The following USP3 variants were observed in gnomAD, a reference collection of about 807,000 sequenced individuals.
USP3 encodes ubiquitin carboxyl-terminal hydrolase 3.
In USP3, 20 loss-of-function variants were observed where a neutral mutation model predicts 72.3. The ratio of observed to expected loss-of-function variants is 0.28; its 90% CI spans 0.19 to 0.40. USP3 has a LOEUF of 0.40. USP3 is among the 10% of genes least tolerant of loss of function. The probability of loss-of-function intolerance (pLI) is 1.00; values close to 1 mark genes in which losing one functional copy is unlikely to be tolerated. For missense variants in USP3, 479 were observed against 633.9 expected, an observed-to-expected ratio of 0.76 and a Z score of 2.62; for synonymous variants, 222 against 225.3, an observed-to-expected ratio of 0.99 and a Z score of 0.13.
At chr15:63,536,088 G>T (rs1311710673) in intron 2 of USP3, among the ~76,000 whole-genome samples, 1 of 152,146 alleles carries the variant, frequency 6.6e-6, no homozygotes, top group Admixed American at 6.6e-5. Flanking sequence ...CATTGTGCCT[G>T]CTGTAATACT....
intron 9 of USP3, among the ~76,000 whole-genome samples, chr15:63,571,290 CCAAA>C (rs2066774929): frequency 6.6e-6 from 1 of 152,128 alleles, no homozygotes; most frequent in Non-Finnish European, 1.5e-5. Context: ...CAAACTCCCC[CCAAA>C]CAGAGAGAAA....
chr15:63,512,148 G>C (rs956407533), intron 1 of USP3, among the ~76,000 whole-genome samples: 2 of 151,472 alleles, frequency 1.3e-5, no homozygotes, highest in African/African-American at 4.9e-5. Flanking sequence ...GTAGAGTCAG[G>C]GTTTCACTCA....
At chr15:63,554,636 T>C (rs2066482649) in intron 4 of USP3, among the ~76,000 whole-genome samples, 1 of 152,224 alleles carries the variant, frequency 6.6e-6, no homozygotes, top group Non-Finnish European at 1.5e-5. Context: ...AACTTAAGTG[T>C]AAAGCCCATA....
chr15:63,562,621 T>C (rs755663678), intron 7 of USP3, among the ~76,000 whole-genome samples: 4 of 152,226 alleles, frequency 2.6e-5, no homozygotes, highest in Non-Finnish European at 5.9e-5. Context: ...GCTGTATGGT[T>C]TGCTTGCGTG....
chr15:63,532,360 A>G, intron 1 of USP3: 1 of 437,994 alleles, frequency 2.3e-6, no homozygotes, highest in East Asian at 4.1e-5. Flanking sequence ...CTGTAGCAAA[A>G]GGGAATAAGT....
rs1328128057 is a variant in USP3 at position 63,544,295 on chromosome 15, T to G, written c.284+7139T>G. 5 of 157,024 alleles carry G rather than the reference T, an allele frequency of 3.2e-5. No homozygotes were observed. Among genetic ancestry groups the G allele is most frequent in the Admixed American group, 3.2e-4 (5 of 15,832 alleles). 9.7% of individuals were successfully genotyped at this position (157,024 alleles called of 1,614,324 possible). On this transcript the variant is annotated intron_variant, in intron 3 of 14. Coordinates refer to ENST00000380324, the MANE Select transcript of USP3 (RefSeq NM_006537.4). The surrounding 1 kb of genome is among the most constrained non-coding windows in gnomAD (Gnocchi z 4.2). ...TTTTTTAACTTGATTAGGAAGCTGA[T>G]GAAAATAGCTTGAAGGCTTCTTTTG...
Position 63,553,716 on chromosome 15 carries a change from T to TA in USP3, c.287dup (p.Tyr96Ter). The TA allele has an allele frequency of 6.2e-7, 1 of 1,612,474 alleles. No homozygotes were observed. The highest frequency in any genetic ancestry group is 1.1e-5 in the South Asian group (1 of 90,838). Residue 96 changes from tyrosine to a stop codon, truncating the protein, a stop_gained and frameshift_variant and splice_region_variant, in exon 4 of 15, where the codon TAT (tyrosine) becomes TAAT (stop). Transcript: ENST00000380324. LOFTEE classifies it high-confidence loss of function. This position sits in a 1 kb window ranked among gnomAD's most constrained non-coding sequence, Gnocchi z 4.2. ...MDCSSYSTYC[Y>*]RCDDFVVNDT... ...CATTGATTAATATTTTCCTTGCAGT[T>TA]ATCGCTGTGATGATTTTGTGGTTAA...
chr15:63,556,447 C>A (rs1255786509), intron 4 of USP3: 4 of 389,312 alleles, frequency 1.0e-5, no homozygotes, highest in Non-Finnish European at 1.9e-5. Flanking sequence ...TTGCCAGGAG[C>A]AGTGTCCAGC....
At chr15:63,519,064 C>T (rs1011677212) in intron 1 of USP3, among the ~76,000 whole-genome samples, 3 of 152,150 alleles carry the variant, frequency 2.0e-5, no homozygotes, top group South Asian at 2.1e-4. Flanking sequence ...CGCGCCTGGC[C>T]GGGTCTTTCT....
chr15:63,552,291 GA>G (rs1247129318), intron 3 of USP3, among the ~76,000 whole-genome samples: 1 of 152,180 alleles, frequency 6.6e-6, no homozygotes, highest in Non-Finnish European at 1.5e-5. Context: ...AAGGTTTATA[GA>G]GGTACCAAAT....
intron 3 of USP3, among the ~76,000 whole-genome samples, chr15:63,538,747 C>T (rs566293200): frequency 9.9e-5 from 15 of 151,984 alleles, no homozygotes; most frequent in African/African-American, 3.4e-4. Context: ...AGGGTTTCAC[C>T]GTGTTAGCCA....
chr15:63,568,337 G>C (rs1008401272), intron 8 of USP3, among the ~76,000 whole-genome samples: 1 of 144,062 alleles, frequency 6.9e-6, no homozygotes, highest in Non-Finnish European at 1.5e-5. Context: ...CCTGACGACA[G>C]AGCGAGACTC....
At chr15:63,511,147 A>G (rs551894857) in intron 1 of USP3, among the ~76,000 whole-genome samples, 7 of 151,224 alleles carry the variant, frequency 4.6e-5, no homozygotes, top group East Asian at 2.0e-4. Flanking sequence ...AGTTTTTCCT[A>G]TTTTATTGAT....
rs369857589 is a variant in USP3, at chr15:63,569,491, G to A, written c.762-942G>A. Among the ~76,000 whole-genome samples, 741 of 152,268 alleles carry A rather than the reference G, an allele frequency of 4.9e-3. 8 individuals carry two copies. Among genetic ancestry groups the A allele is most frequent in the Non-Finnish European group, 6.9e-3 (468 of 68,026 alleles). On this transcript the variant is annotated intron_variant, in intron 8 of 14. Coordinates refer to ENST00000380324, the MANE Select transcript of USP3 (RefSeq NM_006537.4). ...TGGTTGGAAGAAATTTTATGGAACC[G>A]TTGCCTGGAAGAGTAGTGGGAGTTT...
chr15:63,530,820 A>G (rs73441178), intron 1 of USP3, among the ~76,000 whole-genome samples: 3,778 of 152,300 alleles, frequency 0.025, 155 homozygotes, highest in African/African-American at 0.084. Context: ...CTGTAAGGCA[A>G]ACACCATAGG....
intron 1 of USP3, among the ~76,000 whole-genome samples, chr15:63,525,639 G>C (rs149495097): frequency 6.6e-6 from 1 of 152,194 alleles, no homozygotes; most frequent in Non-Finnish European, 1.5e-5. Flanking sequence ...AGATAGAAGA[G>C]ACTTCTGAAA....
chr15:63,527,487 G>T (rs2152656284), intron 1 of USP3, among the ~76,000 whole-genome samples: 1 of 152,292 alleles, frequency 6.6e-6, no homozygotes, highest in South Asian at 2.1e-4. Flanking sequence ...TGATGAAGTT[G>T]TGTCATAAGC....
rs1019399812 is a variant in USP3, at chr15:63,592,199, G to A, written c.*1373G>A. The A allele has an allele frequency of 1.3e-5, 2 of 152,126 alleles. No individual in the cohort carries two copies. Among genetic ancestry groups the A allele is most frequent in the African/African-American group, 4.8e-5 (2 of 41,408 alleles). The allele number at this position is 152,126 out of a possible 1,614,324, so 9.4% of individuals were successfully genotyped here. A position where few individuals can be genotyped will look rare whatever the true frequency, so the allele number is the denominator to read the frequency against. On this transcript the variant is annotated 3_prime_UTR_variant, in exon 15 of 15. Transcript: ENST00000380324. The stretch of plus-strand genomic sequence containing the variant: ...GCCTCCCAAAGTGCTGAGATTACAG[G>A]CGTGAGCCATCACGCCCAGACAGTT...
rs749283545 is a variant in USP3, at chr15:63,574,958, A to G, written c.1096+555A>G. 6.6e-6 allele frequency among the ~76,000 whole-genome samples: 1 copy of G among 152,156 alleles called. No individual in the cohort carries two copies. Among genetic ancestry groups the G allele is most frequent in the Non-Finnish European group, 1.5e-5 (1 of 68,012 alleles). ...CTTATTTAAAATTTTATCCTAGACCATAAGTGTACAGACAGGTCACAATTA... is the reference window on the plus strand; with the variant it reads ...CTTATTTAAAATTTTATCCTAGACCGTAAGTGTACAGACAGGTCACAATTA... On this transcript the variant is annotated intron_variant, in intron 11 of 14. Transcript: ENST00000380324. This position sits in a 1 kb window ranked among gnomAD's most constrained non-coding sequence, Gnocchi z 4.6.
Sources: allele counts gnomAD v4.1 joint callset (sites outside exome capture counted in the v4.1 genomes callset), GRCh38; gene constraint gnomAD v4.1.1; non-coding constraint Gnocchi (gnomAD v3.1); transcripts MANE v1.5; gene names NCBI Gene and HGNC (gene_info 2026-07-23, HGNC 2026-07-21).